The following ABCC9 variants were observed in gnomAD, a reference collection of about 807,000 sequenced individuals.
ABCC9 encodes ATP binding cassette subfamily C member 9, also known as ATP-binding cassette sub-family C member 9.
A neutral mutation model predicts 188.3 loss-of-function variants in ABCC9; 95 were observed. That is an observed-to-expected ratio of 0.50 (90% confidence interval 0.43 to 0.60). The LOEUF (loss-of-function observed/expected upper bound fraction) is 0.60, where lower values mean the gene tolerates loss of function less well. Among genes scored for constraint, ABCC9 ranks in the 20% least tolerant of loss-of-function variants. The pLI is 0.00. For missense variants in ABCC9, 1,102 were observed against 1,876.3 expected, an observed-to-expected ratio of 0.59 and a Z score of 7.62; for synonymous variants, 659 against 652.7, an observed-to-expected ratio of 1.01 and a Z score of -0.15.
At chr12:21,863,303 A>G (rs1215132675) in intron 19 of ABCC9, among the ~76,000 whole-genome samples, 1 of 23,078 alleles carries the variant, frequency 4.3e-5, no homozygotes, top group East Asian at 9.8e-4. Flanking sequence ...TCTACACTGA[A>G]GAAGTGTTTT....
chr12:21,864,564 A>G (rs1945690374), intron 18 of ABCC9, 87 bp from the exon 19 acceptor site: 2 of 903,580 alleles, frequency 2.2e-6, no homozygotes, highest in South Asian at 2.7e-5. Context: ...GATACAATAA[A>G]CACTGGACAT....
chr12:21,924,142 T>C (rs1426410537), intron 5 of ABCC9: 9 of 306,784 alleles, frequency 2.9e-5, no homozygotes, highest in African/African-American at 1.7e-4. Flanking sequence ...TGGATGATAG[T>C]TATGTCATGA....
At chr12:21,815,959 A>C in intron 33 of ABCC9, 66 bp from the exon 34 acceptor site, 1 of 1,334,484 alleles carries the variant, frequency 7.5e-7, no homozygotes, top group Non-Finnish European at 1.1e-6. Flanking sequence ...AAAGAAATGT[A>C]TACATACTTA....
chr12:21,805,885 A>G (rs1591930101), intron 39 of ABCC9, 113 bp downstream of exon 39: 4 of 1,035,890 alleles, frequency 3.9e-6, no homozygotes, highest in Non-Finnish European at 4.5e-6. Flanking sequence ...ATACAGAAAC[A>G]TTAGCAGAGA....
chr12:21,908,368 A>G (rs770610066), intron 10 of ABCC9, among the ~76,000 whole-genome samples, 157 bp from the exon 11 acceptor site: 4 of 151,984 alleles, frequency 2.6e-5, no homozygotes, highest in Non-Finnish European at 5.9e-5. Flanking sequence ...GACAGAATTA[A>G]CCATCAAGTC....
chr12:21,817,229 T>G lies in ABCC9; in HGVS notation c.3850A>C (p.Ser1284Arg). 6.2e-7 allele frequency: 1 copy of G among 1,613,908 alleles called. No individual in the cohort carries two copies. The highest frequency in any genetic ancestry group is 8.5e-7 in the Non-Finnish European group (1 of 1,179,846). ...VQMGAVKKVNSFLTMESENYE... is the reference protein window; with the variant it reads ...VQMGAVKKVNRFLTMESENYE... ...TTCTCTGACTCCATAGTCAGGAAAC[T>G]GTTCACCTTCTTCACTGCACCCATC... is the stretch of plus-strand genomic sequence containing the variant. The change falls in exon 33 of 40, where the codon AGT becomes CGT. Residue 1284 changes from serine to arginine, a missense_variant. Physicochemically the swap from Ser to Arg is moderately radical, Grantham distance 110. This residue lies in a region of ABCC9 where 143 missense variants were observed against 225.6 expected (regional missense o/e 0.63). Transcript: ENST00000261200.
At chr12:21,940,678 CA>C (rs1015688414) in intron 2 of ABCC9, 31 bp downstream of exon 2, 6 of 152,074 alleles carry the variant, frequency 3.9e-5, no homozygotes, top group African/African-American at 1.4e-4. Context: ...AAAAAAATCC[CA>C]AACTGAACAA....
intron 7 of ABCC9, among the ~76,000 whole-genome samples, chr12:21,913,497 T>C (rs1349771982): frequency 6.6e-6 from 1 of 152,300 alleles, no homozygotes; most frequent in East Asian, 1.9e-4. Context: ...TCAAGACTTT[T>C]GGAGTTACTA....
intron 2 of ABCC9, among the ~76,000 whole-genome samples, chr12:21,938,257 C>T (rs1346237145): frequency 1.3e-5 from 2 of 152,074 alleles, no homozygotes; most frequent in Non-Finnish European, 1.5e-5. Flanking sequence ...CTGATAAGCT[C>T]TTTTTATAAT....
intron 14 of ABCC9, among the ~76,000 whole-genome samples, chr12:21,890,911 G>A (rs191285231): frequency 3.1e-3 from 474 of 151,948 alleles, no homozygotes; most frequent in African/African-American, 0.011. Flanking sequence ...CATGGCACAT[G>A]TATACATATG....
At chr12:21,893,914 A>G (rs921183866) in intron 14 of ABCC9, 118 bp downstream of exon 14, 2 of 1,035,398 alleles carry the variant, frequency 1.9e-6, no homozygotes, top group Non-Finnish European at 2.8e-6. Context: ...AATTTTAACA[A>G]TGGTTGTCTC....
At chr12:21,827,733 A>G (rs1475263224) in intron 31 of ABCC9, among the ~76,000 whole-genome samples, 2 of 152,242 alleles carry the variant, frequency 1.3e-5, no homozygotes, top group Non-Finnish European at 2.9e-5. Flanking sequence ...GCCTTCTTCC[A>G]ACTGTCACAG....
At chr12:21,876,639 G>C (rs1946364133) in intron 16 of ABCC9, among the ~76,000 whole-genome samples, 2 of 152,126 alleles carry the variant, frequency 1.3e-5, no homozygotes, top group South Asian at 2.1e-4. Context: ...AGTTTTACCA[G>C]TTATACAAAT....
intron 12 of ABCC9, among the ~76,000 whole-genome samples, chr12:21,905,062 A>G (rs1004709836): frequency 1.3e-5 from 2 of 152,230 alleles, no homozygotes; most frequent in African/African-American, 4.8e-5. Flanking sequence ...GATTAAGAAA[A>G]TGTGGCACAT....
chr12:21,915,225 A>ATGTGTGTGTGTGTGTGTG (rs377233626), intron 7 of ABCC9, among the ~76,000 whole-genome samples: 9 of 129,156 alleles, frequency 7.0e-5, no homozygotes, highest in East Asian at 4.6e-4. Flanking sequence ...TTATATATAT[A>ATGTGTGTGTGTGTGTGTG]TGTGTGTGTG....
chr12:21,859,094 A>T (rs982275106), intron 22 of ABCC9, among the ~76,000 whole-genome samples: 3 of 152,310 alleles, frequency 2.0e-5, no homozygotes, highest in South Asian at 2.1e-4. Context: ...TTCTACCTTT[A>T]CAGATTATGC....
In ABCC9 at chr12:21,806,105, A is replaced by G. The variant is rs145998263; in HGVS notation, c.4450-45T>C. ...TAAATTTTCTCGGGATTACTTTGTC[A>G]TCATAATATTTTGCCCCAAGAACAA... is the stretch of plus-strand genomic sequence containing the variant. On this transcript the variant is annotated intron_variant, in intron 38 of 39. Transcript: ENST00000261200. The G allele has an allele frequency of 1.5e-4, 237 of 1,557,682 alleles. No homozygotes were observed. The African/African-American group carries it at 2.7e-3, about 18-fold the overall frequency.
At chr12:21,850,084 A>C (rs1944884024) in intron 24 of ABCC9, among the ~76,000 whole-genome samples, 1 of 151,564 alleles carries the variant, frequency 6.6e-6, no homozygotes, top group Non-Finnish European at 1.5e-5. Context: ...GCCTTGACAC[A>C]GTTGACATTT....
intron 12 of ABCC9, among the ~76,000 whole-genome samples, chr12:21,902,039 A>G (rs991423134): frequency 1.3e-5 from 2 of 152,232 alleles, no homozygotes; most frequent in Non-Finnish European, 2.9e-5. Context: ...TTGACCACAT[A>G]GTTGGAAGTA....
Sources: gnomAD v4.1 joint callset for allele counts (sites outside exome capture counted in the v4.1 genomes callset) on GRCh38, gnomAD v4.1.1 for gene constraint, gnomAD v4.1.1 regional missense constraint, MANE v1.5 for transcripts, NCBI Gene and HGNC (gene_info 2026-07-23, HGNC 2026-07-21) for gene names.